Variants in ADCY9 observed in about 807,000 individuals in gnomAD.
ADCY9 encodes the protein adenylate cyclase 9.
A neutral mutation model predicts 101.5 loss-of-function variants in ADCY9; 50 were observed. That is an observed-to-expected ratio of 0.49 (90% CI 0.39 to 0.62). The LOEUF (loss-of-function observed/expected upper bound fraction) is 0.62, where lower values mean the gene tolerates loss of function less well. ADCY9 is among the 20% of genes least tolerant of loss of function. The probability of loss-of-function intolerance (pLI) is 0.00; values close to 1 mark genes in which losing one functional copy is unlikely to be tolerated. For synonymous variants in ADCY9, 905 were observed against 769.3 expected (o/e 1.18, Z -2.92); for missense variants, 1,662 against 1,800.4 (o/e 0.92, Z 1.39).
intron 2 of ADCY9, among the ~76,000 whole-genome samples, chr16:4,030,161 T>C (rs755138057): frequency 2.0e-5 from 3 of 152,154 alleles, no homozygotes; most frequent in Non-Finnish European, 2.9e-5. Context: ...TTCTAGACAT[T>C]GATTTCGGCC....
intron 7 of ADCY9, chr16:3,982,491 T>A (rs1217201449): frequency 6.6e-6 from 1 of 152,264 alleles, no homozygotes; most frequent in African/African-American, 2.4e-5. Flanking sequence ...GCCACCTTCC[T>A]GCTCAGGAAT....
chr16:4,005,212 T>C (rs900677195), intron 3 of ADCY9, among the ~76,000 whole-genome samples: 2 of 152,152 alleles, frequency 1.3e-5, no homozygotes, highest in African/African-American at 4.8e-5. Flanking sequence ...GAATTTACTT[T>C]ACCACTGAGC....
chr16:4,116,207 G>A lies in ADCY9; in HGVS notation c.-561C>T, dbSNP rs1312588160. The A allele has an allele frequency of 6.9e-6, 1 of 145,830 alleles. No homozygotes were observed. Among genetic ancestry groups the A allele is most frequent in the Non-Finnish European group, 1.5e-5 (1 of 65,628 alleles). 9.0% of individuals were successfully genotyped at this position (145,830 alleles called of 1,614,324 possible). ...CCGCAGCTGTCCCGGGACCGAGCGC[G>A]TGGAACCACGGACGCGGGCCCCTCG... On this transcript the variant is annotated 5_prime_UTR_variant, in exon 1 of 11. The change creates a new upstream start codon in the 5' untranslated region. Coordinates refer to ENST00000294016, the MANE Select transcript of ADCY9 (RefSeq NM_001116.4).
Position 3,965,253 on chromosome 16 carries a change from G to C in ADCY9, c.*522C>G, listed in dbSNP as rs2055978748. On this transcript the variant is annotated 3_prime_UTR_variant, in exon 11 of 11. Transcript: ENST00000294016. The stretch of plus-strand genomic sequence containing the variant: ...GGCGGATTACTGGCACTTTATATCA[G>C]ATTCATGAATGCAAGTGTGTGTGCG... 6.3e-6 allele frequency: 1 copy of C among 158,674 alleles called. No homozygotes were observed. Among genetic ancestry groups the C allele is most frequent in the African/African-American group, 2.4e-5 (1 of 41,500 alleles). 9.8% of individuals were successfully genotyped at this position (158,674 alleles called of 1,614,324 possible).
Position 3,992,020 on chromosome 16 carries a change from A to T in ADCY9, c.2207+126T>A, listed in dbSNP as rs1407583624. The stretch of plus-strand genomic sequence containing the variant: ...TGGGAGATAGAGGCTGCAGTGAGCC[A>T]AGATCGCGCCACTGCACTGCAGCCT... On this transcript the variant is annotated intron_variant, in intron 5 of 10. Transcript: ENST00000294016. This position sits in a 1 kb window ranked among gnomAD's most constrained non-coding sequence, Gnocchi z 4.2. 2.4e-4 allele frequency: 215 copies of T among 892,610 alleles called. 3 individuals are homozygous for T. The highest frequency in any genetic ancestry group is 5.3e-5 in the East Asian group (2 of 37,664). 55.3% of individuals were successfully genotyped at this position (892,610 alleles called of 1,614,324 possible).
chr16:4,018,029 T>C (rs377497139), intron 2 of ADCY9, among the ~76,000 whole-genome samples: 1 of 152,166 alleles, frequency 6.6e-6, no homozygotes, highest in East Asian at 1.9e-4. Context: ...CAGATGGGCC[T>C]TTTCATCCAG....
intron 2 of ADCY9, among the ~76,000 whole-genome samples, chr16:4,044,161 A>G (rs1413910915): frequency 6.6e-6 from 1 of 152,120 alleles, no homozygotes; most frequent in Non-Finnish European, 1.5e-5. Context: ...AGTCTAGCCA[A>G]CATGGTGCAA....
At chr16:4,113,066 GTGGC>G (rs1191897861) in intron 2 of ADCY9, among the ~76,000 whole-genome samples, 5 of 151,988 alleles carry the variant, frequency 3.3e-5, no homozygotes, top group African/African-American at 9.7e-5. Context: ...AAATCACCTG[GTGGC>G]TGGAGAAGCT....
At position 4,115,877 on chromosome 16, in the gene ADCY9, G is replaced by A; in HGVS notation, c.-231C>T. On this transcript the variant is annotated 5_prime_UTR_variant, in exon 1 of 11. Transcript: ENST00000294016. The surrounding 1 kb of genome is among the most constrained non-coding windows in gnomAD (Gnocchi z 6.2). Reference sequence around the variant, plus strand: ...ACCTTGAGCGCTCCCAGCCCCGCGAGCCGCCTGCGCACAAACAACTCCGCT... The same window carrying A: ...ACCTTGAGCGCTCCCAGCCCCGCGAACCGCCTGCGCACAAACAACTCCGCT... The A allele has an allele frequency of 2.5e-6, 1 of 395,184 alleles. No individual in the cohort carries two copies. The highest frequency in any genetic ancestry group is 4.5e-6 in the Non-Finnish European group (1 of 223,962). 24.5% of individuals were successfully genotyped at this position (395,184 alleles called of 1,614,324 possible).
chr16:3,961,878 T>C (rs2055941190), downstream of ADCY9, among the ~76,000 whole-genome samples: 1 of 151,772 alleles, frequency 6.6e-6, no homozygotes, highest in East Asian at 1.9e-4. Context: ...ATATGAAAAT[T>C]ACCCGGGTGT....
At chr16:3,994,497 C>G (rs149438958) in intron 3 of ADCY9, among the ~76,000 whole-genome samples, 1 of 152,102 alleles carries the variant, frequency 6.6e-6, no homozygotes, top group Non-Finnish European at 1.5e-5. Flanking sequence ...CTCTTGTCAC[C>G]CAGGCTGGAG....
At chr16:4,021,314 G>A (rs1334129938) in intron 2 of ADCY9, among the ~76,000 whole-genome samples, 1 of 152,222 alleles carries the variant, frequency 6.6e-6, no homozygotes, top group East Asian at 1.9e-4. Flanking sequence ...CACGCCGGCA[G>A]CAGGTGTTTC....
chr16:4,001,990 C>T (rs535607986), intron 3 of ADCY9, among the ~76,000 whole-genome samples: 14 of 152,250 alleles, frequency 9.2e-5, no homozygotes, highest in African/African-American at 2.9e-4. Context: ...CTCAGGTGAT[C>T]CATCTGCCTT....
At chr16:4,091,188 C>T (rs1275441433) in intron 2 of ADCY9, among the ~76,000 whole-genome samples, 1 of 152,218 alleles carries the variant, frequency 6.6e-6, no homozygotes, top group Non-Finnish European at 1.5e-5. Flanking sequence ...ATTCTCCTGC[C>T]TCAGCCTCCC....
At chr16:4,075,850 G>C (rs2141173817) in intron 2 of ADCY9, among the ~76,000 whole-genome samples, 1 of 148,090 alleles carries the variant, frequency 6.8e-6, no homozygotes, top group South Asian at 2.2e-4. Context: ...CTGGCTGAGA[G>C]TATCTGGCTT....
chr16:4,114,273 G>T lies in ADCY9; in HGVS notation c.1170C>A (p.Ile390=). 1 of 1,613,918 alleles carries T rather than the reference G, an allele frequency of 6.2e-7. No individual in the cohort carries two copies. Among genetic ancestry groups the T allele is most frequent in the Non-Finnish European group, 8.5e-7 (1 of 1,180,030 alleles). Residue 390 remains isoleucine (I), a synonymous_variant, in exon 2 of 11, where the codon ATC becomes ATA. Transcript: ENST00000294016. This position sits in a 1 kb window ranked among gnomAD's most constrained non-coding sequence, Gnocchi z 4.3. ...IAFRPFKMQQ[I]EEVSILFADI... is the part of the protein sequence containing the mutation. ...CTGCAAATAAAATACTGACTTCTTCGATCTGCTGCATCTTAAAAGGGCGGA... is the reference window on the plus strand; with the variant it reads ...CTGCAAATAAAATACTGACTTCTTCTATCTGCTGCATCTTAAAAGGGCGGA...
intron 2 of ADCY9, among the ~76,000 whole-genome samples, chr16:4,077,737 C>T (rs980649905): frequency 2.0e-5 from 3 of 152,196 alleles, no homozygotes; most frequent in African/African-American, 7.2e-5. Context: ...CGGTGACTCA[C>T]ACCTGTAATC....
intron 10 of ADCY9, among the ~76,000 whole-genome samples, chr16:3,971,800 T>G (rs183903827): frequency 1.1e-3 from 168 of 152,266 alleles, no homozygotes; most frequent in Middle Eastern, 6.8e-3. Context: ...AGGGGGTGTT[T>G]CCAGTCTCTG....
rs267604543 is a variant in ADCY9 at position 4,007,383 on chromosome 16, G to C, written c.1869C>G (p.Thr623=). Residue 623 remains threonine, a synonymous_variant, in exon 3 of 11, where the codon ACC becomes ACG. Transcript: ENST00000294016. ...AAAAACTAACCTTAAGGTTATCAAAGGTTTTGACAGTCTGCGCCAAGTCAC... is the reference window on the plus strand; with the variant it reads ...AAAAACTAACCTTAAGGTTATCAAACGTTTTGACAGTCTGCGCCAAGTCAC... The part of the protein sequence containing the change: ...NVSDLAQTVK[T]FDNLKTCPSC... 2 of 1,576,106 alleles carry C rather than the reference G, an allele frequency of 1.3e-6. No individual in the cohort carries two copies. The highest frequency in any genetic ancestry group is 8.6e-7 in the Non-Finnish European group (1 of 1,166,360).
Sources: gnomAD v4.1 joint callset for allele counts (sites outside exome capture counted in the v4.1 genomes callset) on GRCh38, gnomAD v4.1.1 for gene constraint, Gnocchi (gnomAD v3.1) non-coding constraint, MANE v1.5 for transcripts, NCBI Gene and HGNC (gene_info 2026-07-23, HGNC 2026-07-21) for gene names.